Variants in PRMT3 observed in about 807,000 individuals in gnomAD.
PRMT3 encodes the protein protein arginine methyltransferase 3.
A neutral mutation model predicts 71.9 loss-of-function variants in PRMT3; 62 were observed. The ratio of observed to expected loss-of-function variants is 0.86; its 90% CI spans 0.70 to 1.07. The LOEUF (loss-of-function observed/expected upper bound fraction) is 1.07. PRMT3 is among the 50% of genes least tolerant of loss of function. PRMT3 has a pLI of 0.00. For missense variants in PRMT3, 663 were observed against 643.0 expected (o/e 1.03, Z -0.34); for synonymous variants, 213 against 220.4 (o/e 0.97, Z 0.30).
intron 11 of PRMT3, among the ~76,000 whole-genome samples, chr11:20,457,733 AC>A (rs2133395094): frequency 6.6e-6 from 1 of 152,374 alleles, no homozygotes; most frequent in African/African-American, 2.4e-5. Context: ...CTACACTTTT[AC>A]ATAGATTATC....
At chr11:20,467,471 C>T (rs1850539164) in intron 13 of PRMT3, among the ~76,000 whole-genome samples, 1 of 150,584 alleles carries the variant, frequency 6.6e-6, no homozygotes. Context: ...ATTAAAAGAA[C>T]TTAGAGAAAC....
intron 13 of PRMT3, among the ~76,000 whole-genome samples, chr11:20,473,501 TAAG>T (rs1850702529): frequency 6.6e-6 from 1 of 152,216 alleles, no homozygotes; most frequent in African/African-American, 2.4e-5. Flanking sequence ...CAGGAGTCAT[TAAG>T]GAGCAGTTGT....
At chr11:20,498,425 C>T (rs748904761) in intron 15 of PRMT3, among the ~76,000 whole-genome samples, 5 of 152,044 alleles carry the variant, frequency 3.3e-5, no homozygotes, top group African/African-American at 4.8e-5. Context: ...AAGAAATAAC[C>T]TTAGAATATT....
chr11:20,412,161 T>C lies in PRMT3; in HGVS notation c.893+4129T>C, dbSNP rs564527154. Among the ~76,000 whole-genome samples the C allele has an allele frequency of 4.4e-4, 67 of 152,304 alleles. 1 individual carries two copies. The highest frequency in any genetic ancestry group is 2.3e-3 in the Admixed American group (35 of 15,280). ...CCTAGTTTTCTTTTCAGATGGAAAC[T>C]ATCAAAGGCTATAGTTGTTATTATC... On this transcript the variant is annotated intron_variant, in intron 9 of 15. Coordinates refer to ENST00000331079, the MANE Select transcript of PRMT3 (RefSeq NM_005788.4).
Position 20,388,033 on chromosome 11 carries a change from G to A in PRMT3, c.43G>A (p.Val15Met). Residue 15 changes from valine (V) to methionine (M), a missense_variant, in exon 2 of 16, where the codon GTG (valine) becomes ATG (methionine). Coordinates refer to ENST00000331079, the MANE Select transcript of PRMT3 (RefSeq NM_005788.4). ...GTGTGTGTTAGGCGGCCGGGGCGCT[G>A]TGGAGAATGAGGAGGACCTGCCAGA... ...ASGATGGRGA[V>M]ENEEDLPELS... 1 of 1,614,018 alleles carries A rather than the reference G, an allele frequency of 6.2e-7. No individual in the cohort carries two copies. The highest frequency in any genetic ancestry group is 8.5e-7 in the Non-Finnish European group (1 of 1,180,010).
At chr11:20,452,463 A>G (rs1413489352) in intron 11 of PRMT3, among the ~76,000 whole-genome samples, 1 of 152,224 alleles carries the variant, frequency 6.6e-6, no homozygotes, top group Non-Finnish European at 1.5e-5. Flanking sequence ...AAATATCTAA[A>G]GACTAGGTTT....
At chr11:20,452,095 T>C in intron 10 of PRMT3, 35 bp from the exon 11 acceptor site, 8 of 1,478,410 alleles carry the variant, frequency 5.4e-6, no homozygotes, top group Non-Finnish European at 7.5e-6. Context: ...GTATTGCACA[T>C]TTCTAAACTC....
chr11:20,459,463 A>G (rs946177729), intron 11 of PRMT3, among the ~76,000 whole-genome samples: 1 of 152,176 alleles, frequency 6.6e-6, no homozygotes, highest in Non-Finnish European at 1.5e-5. Flanking sequence ...TTTTGTAGAT[A>G]AAGTTTTATT....
chr11:20,433,244 C>A (rs1849692107), intron 10 of PRMT3, among the ~76,000 whole-genome samples: 1 of 152,034 alleles, frequency 6.6e-6, no homozygotes, highest in Non-Finnish European at 1.5e-5. Context: ...GTCTGTTGTT[C>A]CCTTCTCGTA....
At chr11:20,403,404 G>A (rs548044733) in intron 8 of PRMT3, among the ~76,000 whole-genome samples, 2 of 152,068 alleles carry the variant, frequency 1.3e-5, no homozygotes, top group African/African-American at 4.8e-5. Context: ...AACAATAAGG[G>A]TTCACTATGG....
At chr11:20,502,151 A>G (rs1459130958) in intron 15 of PRMT3, among the ~76,000 whole-genome samples, 1 of 152,216 alleles carries the variant, frequency 6.6e-6, no homozygotes, top group Non-Finnish European at 1.5e-5. Flanking sequence ...AAACAAGTCC[A>G]TGCGGCTCAG....
chr11:20,505,929 T>C (rs1305753745), intron 15 of PRMT3, among the ~76,000 whole-genome samples: 3 of 151,782 alleles, frequency 2.0e-5, no homozygotes, highest in African/African-American at 7.3e-5. Flanking sequence ...CATTATAGTA[T>C]ATTTAAAGCT....
At chr11:20,493,696 T>C (rs1460337492) in intron 13 of PRMT3, among the ~76,000 whole-genome samples, 1 of 152,206 alleles carries the variant, frequency 6.6e-6, no homozygotes, top group Non-Finnish European at 1.5e-5. Flanking sequence ...TACTAATTAT[T>C]TGATTAGCCT....
At chr11:20,390,236 A>G (rs1206605328) in intron 3 of PRMT3, among the ~76,000 whole-genome samples, 1 of 152,200 alleles carries the variant, frequency 6.6e-6, no homozygotes, top group East Asian at 1.9e-4. Context: ...GGCGAATCAC[A>G]CAGCAACATC....
chr11:20,500,328 TAGA>T (rs1851428273), intron 15 of PRMT3, among the ~76,000 whole-genome samples: 1 of 152,228 alleles, frequency 6.6e-6, no homozygotes, highest in South Asian at 2.1e-4. Context: ...TACTTCTTCA[TAGA>T]AGAATTTCCT....
intron 9 of PRMT3, among the ~76,000 whole-genome samples, chr11:20,418,784 T>C (rs767047866): frequency 6.6e-6 from 1 of 152,164 alleles, no homozygotes; most frequent in Non-Finnish European, 1.5e-5. Context: ...TCATAAACAT[T>C]TCTGTAAAAC....
At chr11:20,417,250 C>T (rs1849326752) in intron 9 of PRMT3, among the ~76,000 whole-genome samples, 1 of 152,126 alleles carries the variant, frequency 6.6e-6, no homozygotes, top group African/African-American at 2.4e-5. Context: ...ACGTTATTGT[C>T]ATTTCACTGT....
At chr11:20,474,137 T>C (rs1850720797) in intron 13 of PRMT3, among the ~76,000 whole-genome samples, 1 of 152,176 alleles carries the variant, frequency 6.6e-6, no homozygotes, top group Non-Finnish European at 1.5e-5. Context: ...AGACCCCTTT[T>C]GGGAGGTGTC....
intron 15 of PRMT3, among the ~76,000 whole-genome samples, chr11:20,499,193 T>A (rs1851401014): frequency 6.6e-6 from 1 of 152,248 alleles, no homozygotes; most frequent in Non-Finnish European, 1.5e-5. Context: ...GTTTTTACAC[T>A]GTATGTGAAG....
Sources: allele counts gnomAD v4.1 joint callset (sites outside exome capture counted in the v4.1 genomes callset), GRCh38; gene constraint gnomAD v4.1.1; transcripts MANE v1.5; gene names NCBI Gene and HGNC (gene_info 2026-07-23, HGNC 2026-07-21).